The following AGBL4 variants were observed in gnomAD, a reference collection of about 807,000 sequenced individuals.
AGBL4 encodes the protein AGBL carboxypeptidase 4.
Under a neutral mutation model 66.4 loss-of-function variants are expected in AGBL4, and 58 were observed. That is an observed-to-expected ratio of 0.87 (90% CI 0.71 to 1.09). The LOEUF (loss-of-function observed/expected upper bound fraction) is 1.09, where lower values mean the gene tolerates loss of function less well. AGBL4 is among the 50% of genes least tolerant of loss of function. The probability of loss-of-function intolerance (pLI) is 0.00; values close to 1 mark genes in which losing one functional copy is unlikely to be tolerated. For synonymous variants in AGBL4, 234 were observed against 222.9 expected (o/e 1.05, Z -0.44); for missense variants, 579 against 631.0 (o/e 0.92, Z 0.88).
At chr1:49,123,230 A>G (rs527426020) in intron 4 of AGBL4, among the ~76,000 whole-genome samples, 4 of 152,274 alleles carry the variant, frequency 2.6e-5, no homozygotes, top group African/African-American at 9.6e-5. Flanking sequence ...TATCCATTTG[A>G]GGCTATTATT....
At chr1:49,286,696 CT>C (rs1415411582) in intron 3 of AGBL4, among the ~76,000 whole-genome samples, 1 of 151,644 alleles carries the variant, frequency 6.6e-6, no homozygotes, top group Non-Finnish European at 1.5e-5. Flanking sequence ...CAAACCACTG[CT>C]CAAGGAAATA....
chr1:49,289,681 T>C (rs928025193), intron 3 of AGBL4, among the ~76,000 whole-genome samples: 2 of 152,096 alleles, frequency 1.3e-5, no homozygotes, highest in Admixed American at 6.5e-5. Flanking sequence ...CTAATAAAAA[T>C]ACAACATTTA....
intron 6 of AGBL4, among the ~76,000 whole-genome samples, chr1:48,794,615 A>G (rs1380413233): frequency 1.3e-5 from 2 of 152,242 alleles, no homozygotes; most frequent in Non-Finnish European, 2.9e-5. Context: ...GAGCATTCAC[A>G]CTGTTGACCT....
At chr1:48,622,575 C>A (rs1178949594) in intron 9 of AGBL4, among the ~76,000 whole-genome samples, 1 of 150,522 alleles carries the variant, frequency 6.6e-6, no homozygotes, top group African/African-American at 2.4e-5. Context: ...CCTCTGCCTC[C>A]CGGGTTCAAG....
At chr1:49,425,060 A>T (rs2148648321) in intron 3 of AGBL4, among the ~76,000 whole-genome samples, 1 of 152,310 alleles carries the variant, frequency 6.6e-6, no homozygotes, top group Admixed American at 6.5e-5. Flanking sequence ...TAAGAACCTG[A>T]AATGACCCAG....
chr1:49,902,530 C>T (rs1649861034), intron 1 of AGBL4, among the ~76,000 whole-genome samples: 1 of 152,098 alleles, frequency 6.6e-6, no homozygotes. Flanking sequence ...GGGCAGATCA[C>T]GAGGTCAGGA....
Position 49,969,946 on chromosome 1 carries a change from C to T in AGBL4, c.34+53817G>A, listed in dbSNP as rs190414448. ...AACAGAGAACCCAGAAATAAACACA[C>T]ACATAAACGGTAATTCATCTTTGAC... On this transcript the variant is annotated intron_variant, in intron 1 of 13. Coordinates refer to ENST00000371839, the MANE Select transcript of AGBL4 (RefSeq NM_032785.4). Among the ~76,000 whole-genome samples the T allele has an allele frequency of 9.2e-5, 14 of 152,252 alleles. No individual in the cohort carries two copies. In the East Asian group the frequency reaches 2.7e-3, roughly 29 times the overall value.
intron 5 of AGBL4, among the ~76,000 whole-genome samples, chr1:49,030,170 T>A (rs1237233565): frequency 6.6e-6 from 1 of 152,098 alleles, no homozygotes; most frequent in Non-Finnish European, 1.5e-5. Flanking sequence ...GAAATCCTAA[T>A]CCCCAATGTG....
At chr1:48,701,770 C>T (rs1377864587) in intron 6 of AGBL4, among the ~76,000 whole-genome samples, 1 of 152,072 alleles carries the variant, frequency 6.6e-6, no homozygotes, top group African/African-American at 2.4e-5. Context: ...GAGCACCCAC[C>T]GGATGCCAGT....
chr1:49,439,694 G>A (rs527360727), intron 3 of AGBL4, among the ~76,000 whole-genome samples: 3 of 152,224 alleles, frequency 2.0e-5, no homozygotes, highest in South Asian at 2.1e-4. Flanking sequence ...TATAAAGCAG[G>A]CAGAAAAACG....
intron 3 of AGBL4, among the ~76,000 whole-genome samples, chr1:49,583,642 C>A (rs976224669): frequency 6.6e-6 from 1 of 152,050 alleles, no homozygotes; most frequent in Non-Finnish European, 1.5e-5. Context: ...GTAGGGCACA[C>A]AATTGGTAGC....
intron 3 of AGBL4, among the ~76,000 whole-genome samples, chr1:49,533,359 A>T (rs1399856848): frequency 6.6e-6 from 1 of 152,274 alleles, no homozygotes; most frequent in East Asian, 1.9e-4. Flanking sequence ...CACAAATATG[A>T]ATGCTTAATC....
At chr1:49,395,840 TATATATATAC>T (rs1557900595) in intron 3 of AGBL4, among the ~76,000 whole-genome samples, 1 of 82,736 alleles carries the variant, frequency 1.2e-5, no homozygotes, top group Non-Finnish European at 2.5e-5. Context: ...TGTATATATA[TATATATATAC>T]ACACATAAAT....
At chr1:48,625,163 CTCTT>C (rs1645483468) in intron 9 of AGBL4, among the ~76,000 whole-genome samples, 4 of 149,764 alleles carry the variant, frequency 2.7e-5, no homozygotes, top group Non-Finnish European at 5.9e-5. Context: ...CTCTCACTCT[CTCTT>C]TCTTTCTTTT....
At chr1:49,602,042 T>C (rs1644970381) in intron 3 of AGBL4, among the ~76,000 whole-genome samples, 1 of 152,122 alleles carries the variant, frequency 6.6e-6, no homozygotes, top group South Asian at 2.1e-4. Flanking sequence ...GCAAAGGATA[T>C]GAACAGACCC....
chr1:49,153,326 T>G (rs1360232494), intron 4 of AGBL4, among the ~76,000 whole-genome samples: 1 of 152,106 alleles, frequency 6.6e-6, no homozygotes, highest in Non-Finnish European at 1.5e-5. Context: ...GAAATTCAAC[T>G]AGTGCTGCAT....
chr1:49,794,118 G>T (rs561659021), intron 2 of AGBL4, among the ~76,000 whole-genome samples: 1 of 152,030 alleles, frequency 6.6e-6, no homozygotes, highest in South Asian at 2.1e-4. Flanking sequence ...AATCAAAAGA[G>T]TGAAAACAAC....
chr1:49,388,386 G>A (rs538029252), intron 3 of AGBL4, among the ~76,000 whole-genome samples: 1 of 152,114 alleles, frequency 6.6e-6, no homozygotes, highest in South Asian at 2.1e-4. Flanking sequence ...AAAATAGCTG[G>A]CCAGGGGCAA....
At chr1:48,805,005 C>T (rs186216558) in intron 6 of AGBL4, among the ~76,000 whole-genome samples, 1 of 152,212 alleles carries the variant, frequency 6.6e-6, no homozygotes, top group East Asian at 1.9e-4. Context: ...AGTTCCTACC[C>T]ATAGTCTTAT....
Sources: gnomAD v4.1 joint callset for allele counts (sites outside exome capture counted in the v4.1 genomes callset) on GRCh38, gnomAD v4.1.1 for gene constraint, MANE v1.5 for transcripts, NCBI Gene and HGNC (gene_info 2026-07-23, HGNC 2026-07-21) for gene names.